Variants in FNBP4 observed in about 807,000 individuals in gnomAD.
FNBP4 encodes the protein formin binding protein 4.
A neutral mutation model predicts 119.3 loss-of-function variants in FNBP4; 34 were observed. The observed-to-expected ratio is 0.28, with a 90% CI of 0.22 to 0.38. The LOEUF is 0.38. FNBP4 is among the 10% of genes least tolerant of loss of function. The pLI is 1.00. For synonymous variants in FNBP4, 462 were observed against 430.6 expected (o/e 1.07, Z -0.90); for missense variants, 1,112 against 1,228.9 (o/e 0.90, Z 1.42).
At position 47,722,815 on chromosome 11, in the gene FNBP4, T is replaced by C. The variant is rs190563023; in HGVS notation, c.2805+161A>G. ...CATGTTGGGCAGGCTGGTCTCGAACTCCTGACCTCAGGTGATCTGCCCGCC... is the reference window on the plus strand; with the variant it reads ...CATGTTGGGCAGGCTGGTCTCGAACCCCTGACCTCAGGTGATCTGCCCGCC... On this transcript the variant is annotated intron_variant, in intron 15 of 16. Coordinates refer to ENST00000263773, the MANE Select transcript of FNBP4 (RefSeq NM_015308.5). 5.8e-3 allele frequency among the ~76,000 whole-genome samples: 882 copies of C among 152,240 alleles called. 10 individuals are homozygous for C. The highest frequency in any genetic ancestry group is 0.02 in the African/African-American group (846 of 41,538).
At chr11:47,737,822 T>C (rs1349574787) in intron 8 of FNBP4, among the ~76,000 whole-genome samples, 2 of 150,678 alleles carry the variant, frequency 1.3e-5, no homozygotes, top group East Asian at 2.0e-4. Context: ...TCTTAGCTCA[T>C]TGCAACCTTT....
intron 12 of FNBP4, chr11:47,725,773 GA>G (rs1193730275): frequency 7.1e-6 from 7 of 982,506 alleles, no homozygotes; most frequent in Non-Finnish European, 8.5e-6. Context: ...CGTCAATAGG[GA>G]AGTTTCACAA....
chr11:47,729,783 C>T, intron 12 of FNBP4: 1 of 985,422 alleles, frequency 1.0e-6, no homozygotes, highest in Non-Finnish European at 1.2e-6. Context: ...TGATTAAGAG[C>T]TCTCTTTATT....
chr11:47,718,505 C>A (rs183328456), intron 16 of FNBP4, among the ~76,000 whole-genome samples: 49 of 152,310 alleles, frequency 3.2e-4, no homozygotes, highest in Non-Finnish European at 6.3e-4. Context: ...AGCCCCTGTG[C>A]CCGGCCGGAT....
In FNBP4 at chr11:47,724,616, G is replaced by A. The variant is rs373416629; in HGVS notation, c.2171C>T (p.Pro724Leu). The A allele has an allele frequency of 9.4e-5, 151 of 1,613,808 alleles. No homozygotes were observed. Among genetic ancestry groups the A allele is most frequent in the Non-Finnish European group, 1.2e-4 (145 of 1,179,860 alleles). The change falls in exon 13 of 17, where the codon CCC becomes CTC. Residue 724 changes from proline to leucine, a missense_variant. Physicochemically the swap from Pro to Leu is moderately conservative, Grantham distance 98. Around this residue, in one of 2 missense-constraint regions of FNBP4, gnomAD observed 826 missense variants for 988.8 expected, o/e 0.84. Transcript: ENST00000263773. The part of the protein sequence containing the change: ...PPPPPPESPP[P>L]PPPPPPPAED... ...CGCAGGAGGAGGTGGTGGAGGAGGG[G>A]GTGGAGGTGATTCTGGAGGTGGAGG...
chr11:47,742,493 A>AAAAAAAAAAAAAAAAAAAAAAAG (rs2097583645), intron 8 of FNBP4, among the ~76,000 whole-genome samples: 1 of 148,964 alleles, frequency 6.7e-6, no homozygotes, highest in Non-Finnish European at 1.5e-5. Context: ...AAAAAAAAAA[A>AAAAAAAAAAAAAAAAAAAAAAAG]AAAAAAAAAA....
intron 2 of FNBP4, among the ~76,000 whole-genome samples, chr11:47,762,250 G>A (rs1329355508): frequency 6.6e-6 from 1 of 151,740 alleles, no homozygotes; most frequent in East Asian, 1.9e-4. Flanking sequence ...TCCCACCTCA[G>A]CCTCACGAGT....
At chr11:47,755,710 G>C (rs915542837) in intron 2 of FNBP4, among the ~76,000 whole-genome samples, 2 of 150,790 alleles carry the variant, frequency 1.3e-5, no homozygotes, top group Non-Finnish European at 2.9e-5. Flanking sequence ...AGGATAGCTT[G>C]AGCCCAGGAG....
intron 8 of FNBP4, among the ~76,000 whole-genome samples, chr11:47,741,798 G>C (rs1205863279): frequency 1.4e-5 from 2 of 144,084 alleles, no homozygotes; most frequent in African/African-American, 5.2e-5. Context: ...CTGGGCGACA[G>C]AGTAAGACTC....
intron 8 of FNBP4, chr11:47,743,697 T>A (rs1364865613): frequency 2.1e-6 from 1 of 476,582 alleles, no homozygotes; most frequent in East Asian, 3.8e-5. Flanking sequence ...CTGGGCAACG[T>A]AGACAGAGAG....
chr11:47,732,444 C>T lies in FNBP4; in HGVS notation c.1820+93G>A, dbSNP rs2097568540. On this transcript the variant is annotated intron_variant, in intron 11 of 16. Coordinates refer to ENST00000263773, the MANE Select transcript of FNBP4 (RefSeq NM_015308.5). This position sits in a 1 kb window ranked among gnomAD's most constrained non-coding sequence, Gnocchi z 4.2. The stretch of plus-strand genomic sequence containing the variant: ...CGCTAACTGCAGCTGCTCTCAGTCT[C>T]CAGACAGGCTGTCATGTCGTCAGAT... 2 of 1,580,562 alleles carry T rather than the reference C, an allele frequency of 1.3e-6. No individual in the cohort carries two copies. Among genetic ancestry groups the T allele is most frequent in the African/African-American group, 1.3e-5 (1 of 74,206 alleles).
chr11:47,736,593 G>A, intron 9 of FNBP4, 23 bp downstream of exon 9: 1 of 1,540,698 alleles, frequency 6.5e-7, no homozygotes, highest in Non-Finnish European at 8.8e-7. Flanking sequence ...AATTTGTCAA[G>A]TTGCATTAAG....
intron 1 of FNBP4, among the ~76,000 whole-genome samples, chr11:47,765,566 A>ATGGGGGGG (rs2097645681): frequency 6.7e-4 from 1 of 1,500 alleles, no homozygotes; most frequent in African/African-American, 3.8e-3. Context: ...GGAGGCCAAG[A>ATGGGGGGG]CGGGGGGGGG....
chr11:47,746,007 G>A (rs770329894), intron 7 of FNBP4, 49 bp downstream of exon 7: 21 of 1,422,274 alleles, frequency 1.5e-5, no homozygotes, highest in Admixed American at 2.1e-5. Flanking sequence ...GATCCCTGTA[G>A]AGTAGTACTG....
chr11:47,757,224 T>C (rs530188746), intron 2 of FNBP4, among the ~76,000 whole-genome samples: 24 of 152,272 alleles, frequency 1.6e-4, no homozygotes, highest in African/African-American at 5.1e-4. Context: ...AGTTCTTAAA[T>C]AGCAATTTTA....
chr11:47,755,191 T>C (rs1273923249), intron 2 of FNBP4, among the ~76,000 whole-genome samples: 4 of 149,246 alleles, frequency 2.7e-5, no homozygotes, highest in Non-Finnish European at 4.4e-5. Flanking sequence ...GGCTCACACC[T>C]GTAATCCCAG....
intron 2 of FNBP4, among the ~76,000 whole-genome samples, chr11:47,755,368 G>C (rs1216453145): frequency 6.6e-6 from 1 of 151,652 alleles, no homozygotes; most frequent in African/African-American, 2.4e-5. Flanking sequence ...AAAATTGCTT[G>C]AACTCGGGAG....
chr11:47,763,218 C>T (rs1214902236), intron 2 of FNBP4, among the ~76,000 whole-genome samples: 1 of 152,028 alleles, frequency 6.6e-6, no homozygotes, highest in Non-Finnish European at 1.5e-5. Flanking sequence ...GATCACCGCA[C>T]TTTGGGAGTC....
Position 47,724,735 on chromosome 11 carries a change from T to A in FNBP4, c.2052A>T (p.Ser684=). The A allele has an allele frequency of 6.9e-6, 11 of 1,592,354 alleles. No homozygotes were observed. The highest frequency in any genetic ancestry group is 9.4e-6 in the Non-Finnish European group (11 of 1,167,380). The change falls in exon 13 of 17, where the codon TCA becomes TCT. Residue 684 remains serine, a synonymous_variant. Transcript: ENST00000263773. ...KESFSGQVSS[S]SLMPLTPFWT... ...AGAATGGAGTAAGTGGCATGAGTGA[T>A]GAAGAAGAAACTTGACCAGAAAAGG...
Sources: gnomAD v4.1 joint callset for allele counts (sites outside exome capture counted in the v4.1 genomes callset) on GRCh38, gnomAD v4.1.1 for gene constraint, gnomAD v4.1.1 regional missense constraint, Gnocchi (gnomAD v3.1) non-coding constraint, MANE v1.5 for transcripts, NCBI Gene and HGNC (gene_info 2026-07-23, HGNC 2026-07-21) for gene names.